Variants in TAF4 observed in about 807,000 individuals in gnomAD.
TAF4 encodes transcription initiation factor TFIID subunit 4.
TAF4 carries 9 observed loss-of-function variants against 90.3 expected under a neutral mutation model. The observed-to-expected ratio is 0.10, with a 90% CI of 0.06 to 0.17. The LOEUF (loss-of-function observed/expected upper bound fraction) is 0.17, where lower values mean the gene tolerates loss of function less well. TAF4 is among the 10% of genes least tolerant of loss of function. The pLI is 1.00. For synonymous variants in TAF4, 818 were observed against 638.9 expected, an observed-to-expected ratio of 1.28 and a Z score of -4.23; for missense variants, 1,351 against 1,370.7, an observed-to-expected ratio of 0.99 and a Z score of 0.23.
chr20:61,984,185 C>T (rs887826743), intron 14 of TAF4, among the ~76,000 whole-genome samples: 2 of 152,158 alleles, frequency 1.3e-5, no homozygotes, highest in East Asian at 1.9e-4. Context: ...CCGCTCATCA[C>T]GTGCCTCAGC....
chr20:61,986,878 T>G (rs115267528), intron 14 of TAF4, among the ~76,000 whole-genome samples: 86 of 152,222 alleles, frequency 5.6e-4, no homozygotes, highest in African/African-American at 2.0e-3. Context: ...AAGACAGAAA[T>G]AGAAAGTCAG....
At chr20:61,989,321 T>C (rs1040357271) in intron 14 of TAF4, among the ~76,000 whole-genome samples, 1 of 151,924 alleles carries the variant, frequency 6.6e-6, no homozygotes, top group African/African-American at 2.4e-5. Flanking sequence ...AGCTGCAGAG[T>C]GGGCAGGGAA....
chr20:62,026,908 G>A (rs140074511), intron 1 of TAF4, among the ~76,000 whole-genome samples: 162 of 152,278 alleles, frequency 1.1e-3, no homozygotes, highest in Admixed American at 2.9e-3. Flanking sequence ...TCACAAATAC[G>A]CAGTTGCTCA....
chr20:62,007,692 T>G (rs1347735042), intron 5 of TAF4, 56 bp from the exon 6 acceptor site: 1 of 1,486,936 alleles, frequency 6.7e-7, no homozygotes, highest in Non-Finnish European at 9.2e-7. Context: ...CACACACTTC[T>G]GAATCCCGCA....
In TAF4 at chr20:62,049,773, C is replaced by A. The variant is rs1426428002; in HGVS notation, c.1360+14678G>T. On this transcript the variant is annotated intron_variant, in intron 1 of 14. Coordinates refer to ENST00000252996, the MANE Select transcript of TAF4 (RefSeq NM_003185.4). ...AGGTTCCAGAGCCCGGGTTTCTAGC[C>A]CCAGGCCCCACCAGTCACGTGGCCT... 2.0e-5 allele frequency among the ~76,000 whole-genome samples: 3 copies of A among 152,198 alleles called. No individual in the cohort carries two copies. The East Asian group carries it at 5.8e-4, about 29-fold the overall frequency.
At chr20:62,052,778 C>T (rs915855266) in intron 1 of TAF4, among the ~76,000 whole-genome samples, 2 of 144,596 alleles carry the variant, frequency 1.4e-5, no homozygotes, top group African/African-American at 5.2e-5. Context: ...CAAGCCACCC[C>T]CACAACACCA....
Position 62,043,654 on chromosome 20 carries a change from C to T in TAF4, c.1360+20797G>A, listed in dbSNP as rs997223105. ...CTTTTATCCCCTAGTTTTACTGTAC[C>T]TTTTCTATGTTTAGATACACAAACT... On this transcript the variant is annotated intron_variant, in intron 1 of 14. Transcript: ENST00000252996. Among the ~76,000 whole-genome samples the T allele has an allele frequency of 2.0e-5, 3 of 152,050 alleles. No individual in the cohort carries two copies. In the South Asian group the frequency reaches 6.2e-4, roughly 32 times the overall value.
chr20:62,020,848 A>C (rs550360425), intron 1 of TAF4, among the ~76,000 whole-genome samples: 1 of 152,372 alleles, frequency 6.6e-6, no homozygotes, highest in Non-Finnish European at 1.5e-5. Flanking sequence ...ACAGATGAGA[A>C]AATGTGAAGG....
At chr20:61,986,645 C>T (rs540705168) in intron 14 of TAF4, among the ~76,000 whole-genome samples, 2 of 152,214 alleles carry the variant, frequency 1.3e-5, no homozygotes, top group Admixed American at 6.5e-5. Context: ...ATCCTCTTGT[C>T]GTGTCACAAG....
chr20:61,994,955 G>GC (rs1438550372), intron 14 of TAF4, among the ~76,000 whole-genome samples: 8 of 152,186 alleles, frequency 5.3e-5, no homozygotes, highest in Non-Finnish European at 7.3e-5. Context: ...AAAGCCTAAA[G>GC]CCAAACCCAG....
Position 62,018,207 on chromosome 20 carries a change from T to C in TAF4, c.1361-3500A>G, listed in dbSNP as rs1479378712. On this transcript the variant is annotated intron_variant, in intron 1 of 14. Coordinates refer to ENST00000252996, the MANE Select transcript of TAF4 (RefSeq NM_003185.4). ...AACAGCACATAAGAGGCGCTGTCAC[T>C]GGGGACTTTCTTGTCCGCCTCCCTG... Among the ~76,000 whole-genome samples, 5 of 152,210 alleles carry C rather than the reference T, an allele frequency of 3.3e-5. No individual in the cohort carries two copies. In the East Asian group the frequency reaches 9.6e-4, roughly 29 times the overall value.
chr20:62,004,002 G>A, intron 7 of TAF4, 124 bp from the exon 8 acceptor site: 1 of 1,241,304 alleles, frequency 8.1e-7, no homozygotes, highest in Non-Finnish European at 1.1e-6. Context: ...GAAGTCCTAG[G>A]AAGACCCCGT....
intron 14 of TAF4, among the ~76,000 whole-genome samples, chr20:61,994,831 CAG>C (rs1311343522): frequency 1.3e-5 from 2 of 152,210 alleles, no homozygotes; most frequent in Admixed American, 1.3e-4. Context: ...ACAGAGAAGT[CAG>C]GGGTCGGGCA....
chr20:62,062,694 T>C (rs541066346), intron 1 of TAF4, among the ~76,000 whole-genome samples: 6 of 152,296 alleles, frequency 3.9e-5, no homozygotes, highest in African/African-American at 1.2e-4. Context: ...AAACAGAAGA[T>C]GGAAGTGAGT....
rs547139639 is a variant in TAF4 at position 61,976,117 on chromosome 20, A to G, written c.*51T>C. ...AAACAATATCCCATTTGCTCGTTAC[A>G]AAAAGGCGTAATCTGCAAATATATA... is the stretch of plus-strand genomic sequence containing the variant. On this transcript the variant is annotated 3_prime_UTR_variant, in exon 15 of 15. Transcript: ENST00000252996. 1 of 1,594,054 alleles carries G rather than the reference A, an allele frequency of 6.3e-7. No homozygotes were observed. The highest frequency in any genetic ancestry group is 8.6e-7 in the Non-Finnish European group (1 of 1,163,506).
chr20:62,014,583 G>C lies in TAF4; in HGVS notation c.1485C>G (p.Pro495=), dbSNP rs765636726. The change falls in exon 2 of 15, where the codon CCC becomes CCG. Residue 495 remains proline, a synonymous_variant. Coordinates refer to ENST00000252996, the MANE Select transcript of TAF4 (RefSeq NM_003185.4). ...QTTMAPRPAT[P]TSAPPVQIST... ...AGATCTGGACGGGAGGGGCACTTGT[G>C]GGGGTGGCAGGGCGAGGCGCCATGG... The C allele has an allele frequency of 1.2e-6, 2 of 1,613,374 alleles. No homozygotes were observed. The highest frequency in any genetic ancestry group is 2.2e-5 in the South Asian group (2 of 90,994).
At chr20:62,043,745 G>A (rs1171541955) in intron 1 of TAF4, among the ~76,000 whole-genome samples, 2 of 152,174 alleles carry the variant, frequency 1.3e-5, no homozygotes, top group African/African-American at 2.4e-5. Flanking sequence ...GCCAGGGGCC[G>A]CACCACACAG....
chr20:61,985,317 C>T (rs2055581183), intron 14 of TAF4, among the ~76,000 whole-genome samples: 1 of 151,936 alleles, frequency 6.6e-6, no homozygotes, highest in African/African-American at 2.4e-5. Flanking sequence ...GTTGTGTGTG[C>T]CTGCAGTCCC....
intron 1 of TAF4, among the ~76,000 whole-genome samples, chr20:62,020,292 TCTGGTCCTGAGGGGC>T (rs1413003540): frequency 6.6e-6 from 1 of 152,094 alleles, no homozygotes; most frequent in African/African-American, 2.4e-5. Context: ...GGGGGCTCTT[TCTGGTCCTGAGGGGC>T]TCTCAGCCCC....
Sources: gnomAD v4.1 joint callset for allele counts (sites outside exome capture counted in the v4.1 genomes callset) on GRCh38, gnomAD v4.1.1 for gene constraint, MANE v1.5 for transcripts, NCBI Gene and HGNC (gene_info 2026-07-23, HGNC 2026-07-21) for gene names.